PTPRN2: variants seen among roughly 807,000 people sequenced by gnomAD.
PTPRN2 encodes the protein protein tyrosine phosphatase receptor type N2.
Under a neutral mutation model 118.8 loss-of-function variants are expected in PTPRN2, and 74 were observed. The ratio of observed to expected loss-of-function variants is 0.62; its 90% CI spans 0.52 to 0.76. The LOEUF is 0.76. Among genes scored for constraint, PTPRN2 ranks in the 30% least tolerant of loss-of-function variants. PTPRN2 has a pLI of 0.00. For missense variants in PTPRN2, 1,481 were observed against 1,394.4 expected (o/e 1.06, Z -0.99); for synonymous variants, 641 against 608.0 (o/e 1.05, Z -0.80).
At chr7:158,232,322 A>T (rs931049163) in intron 3 of PTPRN2, among the ~76,000 whole-genome samples, 3 of 152,120 alleles carry the variant, frequency 2.0e-5, no homozygotes, top group African/African-American at 7.2e-5. Context: ...ACAATTATAA[A>T]CAACTGCATG....
At chr7:158,550,966 A>G (rs1826615430) in intron 1 of PTPRN2, among the ~76,000 whole-genome samples, 1 of 152,192 alleles carries the variant, frequency 6.6e-6, no homozygotes, top group African/African-American at 2.4e-5. Flanking sequence ...GCACATTTCC[A>G]GAACTGGCAT....
Position 157,585,789 on chromosome 7 carries a change from T to A in PTPRN2, c.2497-7649A>T, listed in dbSNP as rs1206979882. Among the ~76,000 whole-genome samples, 1 of 152,298 alleles carries A rather than the reference T, an allele frequency of 6.6e-6. No individual in the cohort carries two copies. The highest frequency in any genetic ancestry group is 1.9e-4 in the East Asian group (1 of 5,180). ...GGGATGGGAGGAGCTGGCCGGAGGC[T>A]GGGAACCAATCACACACAGGAGCAG... On this transcript the variant is annotated intron_variant, in intron 17 of 22. Transcript: ENST00000389418. This position sits in a 1 kb window ranked among gnomAD's most constrained non-coding sequence, Gnocchi z 5.2.
At chr7:158,163,148 T>A (rs549108287) in intron 6 of PTPRN2, among the ~76,000 whole-genome samples, 1 of 152,326 alleles carries the variant, frequency 6.6e-6, no homozygotes, top group Non-Finnish European at 1.5e-5. Flanking sequence ...CAGGAAAGCC[T>A]GAGAGTCACC....
chr7:158,333,328 T>TCTCACCATAA lies in PTPRN2; in HGVS notation c.164-16397_164-16396insTTATGGTGAG, dbSNP rs1563156892. Among the ~76,000 whole-genome samples the TCTCACCATAA allele has an allele frequency of 3.7e-4, 51 of 139,684 alleles. 2 individuals are homozygous for TCTCACCATAA. Among genetic ancestry groups the TCTCACCATAA allele is most frequent in the Admixed American group, 8.3e-4 (12 of 14,432 alleles). 91.6% of individuals were successfully genotyped at this position (139,684 alleles called of 152,430 possible). On this transcript the variant is annotated intron_variant, in intron 2 of 22. Coordinates refer to ENST00000389418, the MANE Select transcript of PTPRN2 (RefSeq NM_002847.5). ...CTGCAGACGTCACTCACACCCACAC[T>TCTCACCATAA]GTCACCATAAGAGGTGACACCTGCA...
chr7:158,071,590 AGGTGCTCCTGG>A (rs1811721630), intron 11 of PTPRN2, among the ~76,000 whole-genome samples: 5 of 38,774 alleles, frequency 1.3e-4, no homozygotes, highest in African/African-American at 5.9e-4. Flanking sequence ...CTCCTGGTGG[AGGTGCTCCTGG>A]TGGAGGTGCT....
chr7:157,566,884 G>A (rs572411750), intron 21 of PTPRN2, among the ~76,000 whole-genome samples: 1 of 152,342 alleles, frequency 6.6e-6, no homozygotes, highest in African/African-American at 2.4e-5. Context: ...ACCTGCGTCC[G>A]GCCGCCTGCC....
At chr7:157,753,547 A>G (rs987914095) in intron 12 of PTPRN2, among the ~76,000 whole-genome samples, 11 of 152,176 alleles carry the variant, frequency 7.2e-5, no homozygotes, top group Non-Finnish European at 1.5e-4. Flanking sequence ...AGCTCACAGC[A>G]TGGCAGTGAC....
chr7:158,370,630 T>C (rs1290135776), intron 2 of PTPRN2, among the ~76,000 whole-genome samples: 2 of 151,950 alleles, frequency 1.3e-5, no homozygotes, highest in Admixed American at 1.3e-4. Context: ...TGGGCACCTG[T>C]AGTCCCAGCT....
At chr7:158,505,983 C>T (rs540824531) in intron 1 of PTPRN2, among the ~76,000 whole-genome samples, 115 of 152,202 alleles carry the variant, frequency 7.6e-4, no homozygotes, top group Non-Finnish European at 1.3e-3. Context: ...CAGAGCCCAC[C>T]GCGCGTCCTC....
chr7:157,823,191 G>T (rs1009400665), intron 12 of PTPRN2, among the ~76,000 whole-genome samples: 1 of 152,108 alleles, frequency 6.6e-6, no homozygotes, highest in Non-Finnish European at 1.5e-5. Context: ...GACCCATATT[G>T]TTAAAAAATA....
At chr7:157,613,246 T>C (rs1802497058) in intron 15 of PTPRN2, among the ~76,000 whole-genome samples, 1 of 152,240 alleles carries the variant, frequency 6.6e-6, no homozygotes, top group African/African-American at 2.4e-5. Flanking sequence ...GCGACGGCGC[T>C]AGGCGACTCC....
At position 157,587,259 on chromosome 7, in the gene PTPRN2, C is replaced by T; in HGVS notation, c.2496+7979G>A. ...GCAGACAGCGAGACAGGCAGACAGA[C>T]AGGCAGACAAACAGGCAGACAGGCA... On this transcript the variant is annotated intron_variant, in intron 17 of 22. Coordinates refer to ENST00000389418, the MANE Select transcript of PTPRN2 (RefSeq NM_002847.5). This position sits in a 1 kb window ranked among gnomAD's most constrained non-coding sequence, Gnocchi z 5.3. 7.1e-6 allele frequency among the ~76,000 whole-genome samples: 1 copy of T among 141,556 alleles called. No homozygotes were observed. Among genetic ancestry groups the T allele is most frequent in the Admixed American group, 7.1e-5 (1 of 14,076 alleles). The allele number at this position is 141,556 out of a possible 152,430, so 92.9% of individuals were successfully genotyped here. A position where few individuals can be genotyped will look rare whatever the true frequency, so the allele number is the denominator to read the frequency against.
chr7:157,932,106 T>C (rs1799395039), intron 11 of PTPRN2, among the ~76,000 whole-genome samples: 1 of 152,248 alleles, frequency 6.6e-6, no homozygotes, highest in South Asian at 2.1e-4. Flanking sequence ...ATTTGTGCTT[T>C]ATTATTCTGA....
intron 1 of PTPRN2, among the ~76,000 whole-genome samples, chr7:158,554,636 G>GA (rs1223868379): frequency 6.6e-6 from 1 of 152,154 alleles, no homozygotes; most frequent in Non-Finnish European, 1.5e-5. Context: ...GAACAAAACT[G>GA]AAAAAAGACC....
chr7:158,170,098 C>A (rs1585724333), intron 5 of PTPRN2, among the ~76,000 whole-genome samples: 1 of 152,138 alleles, frequency 6.6e-6, no homozygotes, highest in African/African-American at 2.4e-5. Flanking sequence ...ACTATTCTTC[C>A]CTTAAGAAAG....
chr7:158,013,722 G>T (rs1480662903), intron 11 of PTPRN2, among the ~76,000 whole-genome samples: 8 of 56,276 alleles, frequency 1.4e-4, no homozygotes, highest in South Asian at 1.5e-3. Flanking sequence ...CATCCAGCCA[G>T]CCACCCACTC....
Position 157,785,821 on chromosome 7 carries a change from T to G in PTPRN2, c.1789-102884A>C, listed in dbSNP as rs528009268. ...AGCTGAGACGCGCAGGGGGCCCAGCTGAAGCCTGCGTTTTCCCTTCTGCAC... is the reference window on the plus strand; with the variant it reads ...AGCTGAGACGCGCAGGGGGCCCAGCGGAAGCCTGCGTTTTCCCTTCTGCAC... On this transcript the variant is annotated intron_variant, in intron 12 of 22. Transcript: ENST00000389418. The surrounding 1 kb of genome is among the most constrained non-coding windows in gnomAD (Gnocchi z 7.3). Among the ~76,000 whole-genome samples, 3 of 152,162 alleles carry G rather than the reference T, an allele frequency of 2.0e-5. No individual in the cohort carries two copies. Among genetic ancestry groups the G allele is most frequent in the Non-Finnish European group, 4.4e-5 (3 of 68,014 alleles).
intron 3 of PTPRN2, among the ~76,000 whole-genome samples, chr7:158,255,532 G>A (rs1267094149): frequency 1.3e-5 from 2 of 152,214 alleles, no homozygotes; most frequent in Admixed American, 1.3e-4. Flanking sequence ...ACGGATTTGG[G>A]GAACTGCAGA....
At chr7:157,612,682 C>G (rs961266149) in intron 15 of PTPRN2, among the ~76,000 whole-genome samples, 1 of 152,160 alleles carries the variant, frequency 6.6e-6, no homozygotes, top group South Asian at 2.1e-4. Context: ...CAAGCAGGCG[C>G]GTCTGGAAAA....
Sources: gnomAD v4.1 joint callset for allele counts (sites outside exome capture counted in the v4.1 genomes callset) on GRCh38, gnomAD v4.1.1 for gene constraint, Gnocchi (gnomAD v3.1) non-coding constraint, MANE v1.5 for transcripts, NCBI Gene and HGNC (gene_info 2026-07-23, HGNC 2026-07-21) for gene names.